NDUFAF2: variants seen among roughly 807,000 people sequenced by gnomAD.
The protein encoded by NDUFAF2 is NADH dehydrogenase [ubiquinone] 1 alpha subcomplex assembly factor 2.
A neutral mutation model predicts 22.8 loss-of-function variants in NDUFAF2; 13 were observed. The ratio of observed to expected loss-of-function variants is 0.57; its 90% CI spans 0.37 to 0.91. NDUFAF2 has a LOEUF of 0.91. Ranked by LOEUF, NDUFAF2 falls within the 40% of genes least tolerant of loss-of-function variation. NDUFAF2 has a pLI of 0.01. For synonymous variants in NDUFAF2, 53 were observed against 64.2 expected, an observed-to-expected ratio of 0.83 and a Z score of 0.84; for missense variants, 162 against 195.2, an observed-to-expected ratio of 0.83 and a Z score of 1.01.
At chr5:61,056,888 CCAAAAAAAAAAAAAA>C in intron 1 of NDUFAF2, among the ~76,000 whole-genome samples, 1 of 26,436 alleles carries the variant, frequency 3.8e-5, no homozygotes, top group African/African-American at 3.3e-4. Flanking sequence ...CACTCTGTCT[CCAAAAAAAAAAAAAA>C]AAAAAAAAAA....
chr5:61,095,827 G>T (rs1174658362), intron 2 of NDUFAF2, among the ~76,000 whole-genome samples: 1 of 152,170 alleles, frequency 6.6e-6, no homozygotes, highest in African/African-American at 2.4e-5. Context: ...TCCAGGGTGG[G>T]CTGTTGTGCT....
chr5:61,093,295 C>A (rs918282823), intron 2 of NDUFAF2, among the ~76,000 whole-genome samples: 1 of 152,190 alleles, frequency 6.6e-6, no homozygotes, highest in South Asian at 2.1e-4. Flanking sequence ...CACCCAGGAA[C>A]AATATATTTT....
chr5:61,093,920 T>G lies in NDUFAF2; in HGVS notation c.218-5072T>G, dbSNP rs534404498. On this transcript the variant is annotated intron_variant, in intron 2 of 3. Coordinates refer to ENST00000296597, the MANE Select transcript of NDUFAF2 (RefSeq NM_174889.5). ...GCTTTTTTGGTTGGTAGGCTATTTA[T>G]TACTGCCTCAATTTCAGAACTTGTT... 6.6e-5 allele frequency among the ~76,000 whole-genome samples: 10 copies of G among 152,336 alleles called. No individual in the cohort carries two copies. The East Asian group carries it at 1.5e-3, about 23-fold the overall frequency.
At chr5:61,054,572 T>C (rs565662485) in intron 1 of NDUFAF2, among the ~76,000 whole-genome samples, 64 of 152,298 alleles carry the variant, frequency 4.2e-4, no homozygotes, top group African/African-American at 1.5e-3. Flanking sequence ...TAACGATTTC[T>C]AGAACTGAGA....
At position 60,954,852 on chromosome 5, in the gene NDUFAF2, T is replaced by C. The variant is rs1477071701; in HGVS notation, c.127+9470T>C. ...TTGGCTAGTGATATTGAGAACCTTT[T>C]CATATACTTGTTGGCTATTTTGTAT... On this transcript the variant is annotated intron_variant, in intron 1 of 3. Transcript: ENST00000296597. Among the ~76,000 whole-genome samples the C allele has an allele frequency of 6.6e-5, 10 of 152,150 alleles. 1 individual carries two copies. Among genetic ancestry groups the C allele is most frequent in the Admixed American group, 6.5e-4 (10 of 15,276 alleles).
chr5:60,999,843 A>G (rs1751275015), intron 1 of NDUFAF2, among the ~76,000 whole-genome samples: 1 of 152,104 alleles, frequency 6.6e-6, no homozygotes, highest in Non-Finnish European at 1.5e-5. Flanking sequence ...TTATTCCAGA[A>G]TTAGAGAAAG....
At chr5:61,027,849 C>T (rs373283578) in intron 1 of NDUFAF2, among the ~76,000 whole-genome samples, 3 of 151,830 alleles carry the variant, frequency 2.0e-5, no homozygotes, top group African/African-American at 7.2e-5. Flanking sequence ...TGTCCCTGCC[C>T]ATATGTATTT....
intron 1 of NDUFAF2, among the ~76,000 whole-genome samples, chr5:61,064,240 C>T (rs529868379): frequency 6.6e-6 from 1 of 152,160 alleles, no homozygotes; most frequent in South Asian, 2.1e-4. Context: ...CACCTAAATA[C>T]ATTAAGCAAA....
chr5:61,111,920 G>T (rs1472584832), intron 3 of NDUFAF2, among the ~76,000 whole-genome samples: 1 of 151,014 alleles, frequency 6.6e-6, no homozygotes, highest in Non-Finnish European at 1.5e-5. Flanking sequence ...GCCCAGCCTA[G>T]TTTTTTTGTA....
intron 2 of NDUFAF2, among the ~76,000 whole-genome samples, chr5:61,091,350 A>AT (rs1298580928): frequency 6.6e-6 from 1 of 151,988 alleles, no homozygotes; most frequent in Admixed American, 6.6e-5. Context: ...AGTGTCTGTT[A>AT]TTTTTTGACT....
chr5:60,949,792 T>C (rs1490891437), intron 1 of NDUFAF2, among the ~76,000 whole-genome samples: 1 of 152,214 alleles, frequency 6.6e-6, no homozygotes, highest in African/African-American at 2.4e-5. Context: ...AGCATAGAGA[T>C]CATGATATGT....
At chr5:61,099,308 A>G (rs1432381176) in intron 3 of NDUFAF2, among the ~76,000 whole-genome samples, 1 of 151,538 alleles carries the variant, frequency 6.6e-6, no homozygotes, top group Non-Finnish European at 1.5e-5. Context: ...CACTCTGTAG[A>G]AAGTCTGAAC....
intron 1 of NDUFAF2, among the ~76,000 whole-genome samples, chr5:61,005,115 G>A (rs1268987086): frequency 6.6e-6 from 1 of 152,002 alleles, no homozygotes; most frequent in Non-Finnish European, 1.5e-5. Flanking sequence ...AGACCCCGGT[G>A]TGCGATGTTC....
intron 1 of NDUFAF2, among the ~76,000 whole-genome samples, chr5:60,988,581 C>T (rs1231774926): frequency 6.6e-6 from 1 of 151,980 alleles, no homozygotes; most frequent in Non-Finnish European, 1.5e-5. Flanking sequence ...CAAAAACAGG[C>T]ACATAAACCA....
intron 2 of NDUFAF2, 58 bp downstream of exon 2, chr5:61,073,272 A>C: frequency 1.7e-6 from 2 of 1,197,270 alleles, no homozygotes; most frequent in Non-Finnish European, 2.5e-6. Context: ...CAGTATACAA[A>C]TTCAATAAGA....
At chr5:61,049,886 T>TACACACACACACACACAC (rs70977822) in intron 1 of NDUFAF2, among the ~76,000 whole-genome samples, 22 of 144,430 alleles carry the variant, frequency 1.5e-4, no homozygotes, top group African/African-American at 5.1e-4. Context: ...ATTTAAATTA[T>TACACACACACACACACAC]ACACACACAC....
intron 1 of NDUFAF2, among the ~76,000 whole-genome samples, chr5:61,003,465 C>G (rs527961654): frequency 2.6e-5 from 4 of 151,926 alleles, no homozygotes; most frequent in African/African-American, 7.2e-5. Context: ...CTGAATAAAA[C>G]AAGGTACTAT....
chr5:61,118,554 G>A (rs1280042677), intron 3 of NDUFAF2, among the ~76,000 whole-genome samples: 1 of 152,154 alleles, frequency 6.6e-6, no homozygotes, highest in Non-Finnish European at 1.5e-5. Context: ...TTGACAATGA[G>A]GACTAGCCTT....
At chr5:61,064,834 A>G (rs953124409) in intron 1 of NDUFAF2, among the ~76,000 whole-genome samples, 9 of 152,040 alleles carry the variant, frequency 5.9e-5, no homozygotes, top group African/African-American at 2.2e-4. Context: ...GAAAAAGAAC[A>G]AACTAAACCC....
Sources: gnomAD v4.1 joint callset for allele counts (sites outside exome capture counted in the v4.1 genomes callset) on GRCh38, gnomAD v4.1.1 for gene constraint, MANE v1.5 for transcripts, NCBI Gene and HGNC (gene_info 2026-07-23, HGNC 2026-07-21) for gene names.